The following IL3RA variants were observed in gnomAD, a reference collection of about 807,000 sequenced individuals.
IL3RA encodes the protein interleukin 3 receptor subunit alpha.
Under a neutral mutation model 52.3 loss-of-function variants are expected in IL3RA, and 73 were observed. That is an observed-to-expected ratio of 1.40 (90% CI 1.16 to 1.70). The LOEUF is 1.70. IL3RA is among the 40% of genes most tolerant of loss of function. IL3RA has a pLI of 0.00. For missense variants in IL3RA, 664 were observed against 504.4 expected (o/e 1.32, Z -3.03); for synonymous variants, 260 against 194.0 (o/e 1.34, Z -2.83).
intron 8 of IL3RA, among the ~76,000 whole-genome samples, chrX:1,359,953 G>A (rs779860101): frequency 2.9e-5 from 4 of 140,048 alleles, no homozygotes; most frequent in South Asian, 2.3e-4. Flanking sequence ...CTGTTTCTCC[G>A]TGTCTGTCTC....
intron 11 of IL3RA, 88 bp from the exon 12 acceptor site, chrX:1,382,303 T>G: frequency 8.6e-7 from 1 of 1,163,702 alleles, no homozygotes; most frequent in South Asian, 1.2e-5. Flanking sequence ...AGAGCAGATC[T>G]GAGATGGGAC....
At chrX:1,342,025 C>G (rs61303955) in intron 2 of IL3RA, among the ~76,000 whole-genome samples, 196 bp downstream of exon 2, 6 of 152,080 alleles carry the variant, frequency 3.9e-5, no homozygotes, top group East Asian at 1.9e-4. Flanking sequence ...TCTTGCAAAA[C>G]GGTAATACGA....
chrX:1,341,540 T>G (rs747770509), intron 1 of IL3RA, among the ~76,000 whole-genome samples, 188 bp from the exon 2 acceptor site: 3 of 28,886 alleles, frequency 1.0e-4, no homozygotes, highest in African/African-American at 1.8e-4. Context: ...AGAAGCACAC[T>G]CTGATGTGCA....
intron 2 of IL3RA, among the ~76,000 whole-genome samples, 198 bp downstream of exon 2, chrX:1,342,027 G>A (rs2085515761): frequency 6.6e-6 from 1 of 152,080 alleles, no homozygotes; most frequent in Non-Finnish European, 1.5e-5. Flanking sequence ...TTGCAAAACG[G>A]TAATACGACC....
chrX:1,348,579 A>G lies in IL3RA; in HGVS notation c.298+34A>G, dbSNP rs1285601290. On this transcript the variant is annotated intron_variant, in intron 4 of 11. Coordinates refer to ENST00000331035, the MANE Select transcript of IL3RA (RefSeq NM_002183.4). ...AATGTTCATTGTTTGTTTATTCTCTATTCCCTCCCTCCTTCCCTCTCTCCC... is the reference window on the plus strand; with the variant it reads ...AATGTTCATTGTTTGTTTATTCTCTGTTCCCTCCCTCCTTCCCTCTCTCCC... The G allele has an allele frequency of 2.0e-6, 3 of 1,478,184 alleles. No individual in the cohort carries two copies. The Admixed American group carries it at 5.1e-5, about 25-fold the overall frequency. 91.6% of individuals were successfully genotyped at this position (1,478,184 alleles called of 1,614,324 possible).
Position 1,356,268 on chromosome X carries a change from T to C in IL3RA, c.664T>C (p.Ser222Pro). The part of the protein sequence containing the change: ...NMTAKCNKTH[S>P]FMHWKMRSHF... ...GACTGCAAAGTGTAATAAGACACAT[T>C]CCTTTATGCACTGGAAAATGAGAAG... is the stretch of plus-strand genomic sequence containing the variant. Residue 222 changes from serine to proline, a missense_variant, in exon 7 of 12, where the codon TCC (serine) becomes CCC (proline). Transcript: ENST00000331035. 2 of 1,613,694 alleles carry C rather than the reference T, an allele frequency of 1.2e-6. No homozygotes were observed. Among genetic ancestry groups the C allele is most frequent in the Non-Finnish European group, 1.7e-6 (2 of 1,179,718 alleles).
At position 1,341,854 on chromosome X, in the gene IL3RA, G is replaced by A. The variant is rs368629433; in HGVS notation, c.64+25G>A. ...GGTAAGAACTGGAGAAAAAATGCAC[G>A]TGCCACCTGGGGAGCGGTGGGGGTA... On this transcript the variant is annotated intron_variant, in intron 2 of 11. Transcript: ENST00000331035. 1.7e-5 allele frequency: 28 copies of A among 1,612,250 alleles called. 1 individual carries two copies. The highest frequency in any genetic ancestry group is 1.7e-4 in the Middle Eastern group (1 of 6,052).
intron 4 of IL3RA, 123 bp downstream of exon 4, chrX:1,348,668 TTCTTTCTTTC>T (rs2085909372): frequency 1.3e-5 from 6 of 462,910 alleles, no homozygotes; most frequent in East Asian, 9.8e-5. Flanking sequence ...CTTTCTTTCT[TTCTTTCTTTC>T]TTTCTTTCTT....
chrX:1,354,318 C>T (rs17883630), intron 6 of IL3RA, among the ~76,000 whole-genome samples: 1,891 of 152,114 alleles, frequency 0.012, 50 homozygotes, highest in African/African-American at 0.043. Context: ...TTTCAGTCCA[C>T]GATACCCGAG....
At chrX:1,354,226 C>CT (rs1472032593) in intron 6 of IL3RA, among the ~76,000 whole-genome samples, 2 of 152,178 alleles carry the variant, frequency 1.3e-5, no homozygotes, top group Admixed American at 6.5e-5. Context: ...CGCCAGTCAC[C>CT]TCCCAAAGAC....
At chrX:1,368,199 CAGTG>C in intron 9 of IL3RA, among the ~76,000 whole-genome samples, 1 of 151,962 alleles carries the variant, frequency 6.6e-6, no homozygotes, top group South Asian at 2.1e-4. Context: ...GCGGAGGTTG[CAGTG>C]AGCCGAGATC....
chrX:1,346,096 T>G (rs1396567591), intron 3 of IL3RA, among the ~76,000 whole-genome samples: 1 of 150,408 alleles, frequency 6.6e-6, no homozygotes, highest in Non-Finnish European at 1.5e-5. Context: ...GGGCGGATCA[T>G]GAGGTCAGGA....
chrX:1,356,803 G>A (rs768950698), intron 7 of IL3RA, among the ~76,000 whole-genome samples: 44 of 151,712 alleles, frequency 2.9e-4, no homozygotes, highest in Admixed American at 2.8e-3. Context: ...GACTGTATGT[G>A]GTCTGTTGTT....
At chrX:1,346,506 CT>C (rs2085749576) in intron 3 of IL3RA, among the ~76,000 whole-genome samples, 1 of 151,704 alleles carries the variant, frequency 6.6e-6, no homozygotes, top group African/African-American at 2.4e-5. Flanking sequence ...ATTCAGGAGG[CT>C]GAGGCAGGAG....
At chrX:1,347,227 C>T (rs184290170) in intron 3 of IL3RA, among the ~76,000 whole-genome samples, 22 of 150,608 alleles carry the variant, frequency 1.5e-4, no homozygotes, top group East Asian at 9.7e-4. Flanking sequence ...GGGTGGATCA[C>T]GAGGTCAGGA....
intron 4 of IL3RA, among the ~76,000 whole-genome samples, chrX:1,351,287 C>G (rs1336575066): frequency 6.6e-6 from 1 of 151,998 alleles, no homozygotes; most frequent in African/African-American, 2.4e-5. Flanking sequence ...GTGTATCTAC[C>G]ATGGTCTCAA....
At position 1,352,331 on chromosome X, in the gene IL3RA, A is replaced by G; in HGVS notation, c.441A>G (p.Gln147=). The G allele has an allele frequency of 6.2e-7, 1 of 1,613,836 alleles. No individual in the cohort carries two copies. The highest frequency in any genetic ancestry group is 8.5e-7 in the Non-Finnish European group (1 of 1,179,824). Residue 147 remains glutamine, a synonymous_variant, in exon 6 of 12, where the codon CAA becomes CAG. Transcript: ENST00000331035. Reference sequence around the variant, plus strand: ...TTACCGCTTACCGCAGCAGGCGTCAACAGTACGAGTGTCTTCACTACAAAA... The same window carrying G: ...TTACCGCTTACCGCAGCAGGCGTCAGCAGTACGAGTGTCTTCACTACAAAA... ...DLYLNVANRR[Q]QYECLHYKTD...
At chrX:1,358,110 A>G (rs1350457526) in intron 7 of IL3RA, among the ~76,000 whole-genome samples, 17 of 142,636 alleles carry the variant, frequency 1.2e-4, no homozygotes, top group Admixed American at 7.0e-4. Flanking sequence ...GTCTCAGGAG[A>G]AAAAAAAAAA....
chrX:1,348,644 C>CTCTCTT (rs1556618954), intron 4 of IL3RA, 99 bp downstream of exon 4: 15 of 496,828 alleles, frequency 3.0e-5, no homozygotes, highest in Admixed American at 7.2e-5. Context: ...TTTTCTTTTT[C>CTCTCTT]TCTTTCTTTC....
Sources: allele counts gnomAD v4.1 joint callset (sites outside exome capture counted in the v4.1 genomes callset), GRCh38; gene constraint gnomAD v4.1.1; transcripts MANE v1.5; gene names NCBI Gene and HGNC (gene_info 2026-07-23, HGNC 2026-07-21).